Variants in PCGF6 observed in about 807,000 individuals in gnomAD.
PCGF6 encodes the protein polycomb group ring finger 6.
Under a neutral mutation model 45.5 loss-of-function variants are expected in PCGF6, and 24 were observed. The ratio of observed to expected loss-of-function variants is 0.53; its 90% confidence interval spans 0.38 to 0.74. The LOEUF (loss-of-function observed/expected upper bound fraction) is 0.74. Ranked by LOEUF, PCGF6 falls within the 30% of genes least tolerant of loss-of-function variation. The pLI, the probability that PCGF6 is intolerant of heterozygous loss-of-function variation, is 0.00. For synonymous variants in PCGF6, 152 were observed against 162.1 expected (o/e 0.94, Z 0.47); for missense variants, 356 against 443.2 (o/e 0.80, Z 1.77).
At chr10:103,333,138 AT>A (rs1434829325) in intron 7 of PCGF6, among the ~76,000 whole-genome samples, 93 of 148,660 alleles carry the variant, frequency 6.3e-4, no homozygotes, top group African/African-American at 2.1e-3. Context: ...AAAAAAAAAA[AT>A]CATGAGGACT....
intron 7 of PCGF6, among the ~76,000 whole-genome samples, chr10:103,332,522 T>C (rs969192335): frequency 2.1e-4 from 32 of 151,934 alleles, no homozygotes; most frequent in African/African-American, 7.7e-4. Flanking sequence ...GCAATCCTCC[T>C]GAGTTGGCCT....
intron 8 of PCGF6, among the ~76,000 whole-genome samples, chr10:103,325,967 T>A (rs551638174): frequency 1.3e-5 from 2 of 151,634 alleles, no homozygotes; most frequent in African/African-American, 4.8e-5. Context: ...AACCTCAAGG[T>A]TGTAGTGAGC....
chr10:103,311,060 T>C (rs1351566212), intron 9 of PCGF6, among the ~76,000 whole-genome samples: 1 of 152,166 alleles, frequency 6.6e-6, no homozygotes, highest in African/African-American at 2.4e-5. Flanking sequence ...GTCTTGGAAC[T>C]CCTGGGGTCA....
chr10:103,326,690 C>T lies in PCGF6; in HGVS notation c.811-58G>A, dbSNP rs1165769703. Reference sequence around the variant, plus strand: ...GTTAAATATACCTGTACATGCATGACGTATGTGTATATATATGTAATGTGT... The same window carrying T: ...GTTAAATATACCTGTACATGCATGATGTATGTGTATATATATGTAATGTGT... On this transcript the variant is annotated intron_variant, in intron 7 of 9. Coordinates refer to ENST00000369847, the MANE Select transcript of PCGF6 (RefSeq NM_001011663.2). The T allele has an allele frequency of 6.2e-5, 77 of 1,238,088 alleles. No homozygotes were observed. The South Asian group carries it at 8.4e-4, about 13-fold the overall frequency. 76.7% of individuals were successfully genotyped at this position (1,238,088 alleles called of 1,614,324 possible).
chr10:103,332,993 A>C (rs559402943), intron 7 of PCGF6, among the ~76,000 whole-genome samples: 29 of 152,128 alleles, frequency 1.9e-4, no homozygotes, highest in Non-Finnish European at 3.2e-4. Context: ...GCATGCCTGT[A>C]ATCCTAGCTA....
intron 6 of PCGF6, among the ~76,000 whole-genome samples, chr10:103,337,235 G>A (rs2093260410): frequency 6.6e-6 from 1 of 152,070 alleles, no homozygotes; most frequent in African/African-American, 2.4e-5. Context: ...ACACCACTGA[G>A]CTTAAAATGG....
intron 5 of PCGF6, 101 bp from the exon 6 acceptor site, chr10:103,345,233 A>G: frequency 1.2e-6 from 1 of 825,610 alleles, no homozygotes; most frequent in South Asian, 1.8e-5. Context: ...TGAGTATTTA[A>G]AAGATCATAA....
intron 3 of PCGF6, among the ~76,000 whole-genome samples, chr10:103,347,921 C>G (rs1040941191): frequency 6.6e-6 from 1 of 152,170 alleles, no homozygotes; most frequent in Non-Finnish European, 1.5e-5. Flanking sequence ...GAACTTCTGT[C>G]TATCATCTGC....
intron 1 of PCGF6, 70 bp downstream of exon 1, chr10:103,350,637 G>C: frequency 7.4e-7 from 1 of 1,346,748 alleles, no homozygotes; most frequent in Non-Finnish European, 9.6e-7. Context: ...GCCGGCGCCC[G>C]GCAGACGAGG....
chr10:103,333,487 C>T (rs973716489), intron 7 of PCGF6, among the ~76,000 whole-genome samples: 1 of 152,086 alleles, frequency 6.6e-6, no homozygotes, highest in Admixed American at 6.6e-5. Context: ...CCTGTGATTT[C>T]GGAATCTTTA....
chr10:103,310,294 A>G (rs1456095911), intron 9 of PCGF6, among the ~76,000 whole-genome samples: 1 of 152,058 alleles, frequency 6.6e-6, no homozygotes, highest in East Asian at 1.9e-4. Flanking sequence ...AGAAAAGAGA[A>G]AACTAATCCC....
At position 103,302,955 on chromosome 10, in the gene PCGF6, G is replaced by A. The variant is rs1034476023; in HGVS notation, c.*950C>T. The A allele has an allele frequency of 2.6e-5, 4 of 152,486 alleles. No individual in the cohort carries two copies. Among genetic ancestry groups the A allele is most frequent in the African/African-American group, 9.7e-5 (4 of 41,406 alleles). 9.4% of individuals were successfully genotyped at this position (152,486 alleles called of 1,614,324 possible). A position where few individuals can be genotyped will look rare whatever the true frequency, so the allele number is the denominator to read the frequency against. On this transcript the variant is annotated 3_prime_UTR_variant, in exon 10 of 10. Coordinates refer to ENST00000369847, the MANE Select transcript of PCGF6 (RefSeq NM_001011663.2). The stretch of plus-strand genomic sequence containing the variant: ...ATTTATAAAATATTTCTTTCAGAAA[G>A]CATCACAATGCTAATTTTAGGCAAA...
chr10:103,332,943 C>T (rs779115752), intron 7 of PCGF6, among the ~76,000 whole-genome samples: 14 of 151,722 alleles, frequency 9.2e-5, no homozygotes, highest in Non-Finnish European at 2.1e-4. Flanking sequence ...GGTGAAACAC[C>T]GTCTCTACTA....
intron 6 of PCGF6, among the ~76,000 whole-genome samples, chr10:103,341,170 G>A (rs1033390900): frequency 2.6e-5 from 4 of 151,608 alleles, no homozygotes; most frequent in Admixed American, 1.3e-4. Flanking sequence ...TGGAGGTTGC[G>A]GTGAGCCGAG....
intron 7 of PCGF6, among the ~76,000 whole-genome samples, chr10:103,327,116 G>A (rs570281299): frequency 2.1e-4 from 32 of 152,078 alleles, no homozygotes; most frequent in Admixed American, 1.2e-3. Flanking sequence ...GAGAAACCCC[G>A]TCTCTACTAA....
At chr10:103,345,729 G>A (rs2093296544) in intron 5 of PCGF6, among the ~76,000 whole-genome samples, 1 of 152,020 alleles carries the variant, frequency 6.6e-6, no homozygotes, top group South Asian at 2.1e-4. Flanking sequence ...TTGGGAGGCT[G>A]AGACAGGAGG....
chr10:103,335,739 G>A (rs1343302960), intron 6 of PCGF6, among the ~76,000 whole-genome samples: 1 of 151,898 alleles, frequency 6.6e-6, no homozygotes, highest in Non-Finnish European at 1.5e-5. Flanking sequence ...AGGCCAAGGT[G>A]GGCAGATAAT....
intron 8 of PCGF6, 49 bp downstream of exon 8, chr10:103,326,485 A>G (rs778014961): frequency 8.1e-7 from 1 of 1,233,090 alleles, no homozygotes; most frequent in Non-Finnish European, 1.1e-6. Flanking sequence ...ACAGTGTGCT[A>G]AAGGTAAGCT....
chr10:103,320,575 T>C (rs2093193583), intron 8 of PCGF6, among the ~76,000 whole-genome samples: 1 of 151,990 alleles, frequency 6.6e-6, no homozygotes, highest in Non-Finnish European at 1.5e-5. Flanking sequence ...TAATCCCAGC[T>C]ACTCAGGAGG....
Sources: gnomAD v4.1 joint callset for allele counts (sites outside exome capture counted in the v4.1 genomes callset) on GRCh38, gnomAD v4.1.1 for gene constraint, MANE v1.5 for transcripts, NCBI Gene and HGNC (gene_info 2026-07-23, HGNC 2026-07-21) for gene names.